The following SLC14A2 variants were observed in gnomAD, a reference collection of about 807,000 sequenced individuals.
The protein encoded by SLC14A2 is urea transporter 2.
A neutral mutation model predicts 104.6 loss-of-function variants in SLC14A2; 91 were observed. That is an observed-to-expected ratio of 0.87 (90% CI 0.73 to 1.04). SLC14A2 has a LOEUF of 1.04. Ranked by LOEUF, SLC14A2 falls within the 50% of genes least tolerant of loss-of-function variation. SLC14A2 has a pLI of 0.00. For missense variants in SLC14A2, 1,189 were observed against 1,156.0 expected, an observed-to-expected ratio of 1.03 and a Z score of -0.41; for synonymous variants, 476 against 466.4, an observed-to-expected ratio of 1.02 and a Z score of -0.27.
intron 1 of SLC14A2, among the ~76,000 whole-genome samples, chr18:45,439,396 T>C (rs1473321755): frequency 1.3e-5 from 2 of 152,240 alleles, no homozygotes; most frequent in Non-Finnish European, 2.9e-5. Flanking sequence ...CTCAGAGAAG[T>C]GTTCAGTAAA....
intron 1 of SLC14A2, among the ~76,000 whole-genome samples, chr18:45,303,701 A>G (rs1568143114): frequency 6.6e-6 from 1 of 152,256 alleles, no homozygotes; most frequent in Non-Finnish European, 1.5e-5. Context: ...ACACCTTGGC[A>G]AATCAGTGAT....
chr18:45,272,838 G>C (rs948018978), intron 1 of SLC14A2, among the ~76,000 whole-genome samples: 1 of 152,050 alleles, frequency 6.6e-6, no homozygotes, highest in African/African-American at 2.4e-5. Context: ...ATTTCACATT[G>C]CATGCCTGTA....
At chr18:45,391,775 T>C (rs980833685) in intron 1 of SLC14A2, among the ~76,000 whole-genome samples, 1 of 152,228 alleles carries the variant, frequency 6.6e-6, no homozygotes, top group African/African-American at 2.4e-5. Context: ...ATGGGGTTGT[T>C]TGTTTATTTC....
chr18:45,601,580 G>A (rs1348881735), intron 2 of SLC14A2, among the ~76,000 whole-genome samples: 3 of 152,158 alleles, frequency 2.0e-5, no homozygotes, highest in Non-Finnish European at 4.4e-5. Flanking sequence ...AATTCCAATG[G>A]GGTTTTTCTT....
intron 1 of SLC14A2, among the ~76,000 whole-genome samples, chr18:45,347,829 T>C (rs557455260): frequency 6.6e-6 from 1 of 152,348 alleles, no homozygotes; most frequent in South Asian, 2.1e-4. Context: ...TCAGAATGAT[T>C]GCACTCAACT....
intron 15 of SLC14A2, 71 bp downstream of exon 15, chr18:45,668,548 C>T (rs552954398): frequency 2.5e-5 from 39 of 1,537,608 alleles, no homozygotes; most frequent in Middle Eastern, 1.7e-4. Flanking sequence ...ATCCCATGAC[C>T]GTCTGTCTAA....
chr18:45,436,991 T>C (rs1269145871), intron 1 of SLC14A2, among the ~76,000 whole-genome samples: 2 of 152,192 alleles, frequency 1.3e-5, no homozygotes, highest in African/African-American at 4.8e-5. Context: ...GGATTCTAGG[T>C]TGGGCCACAC....
chr18:45,278,356 C>T (rs1009960479), intron 1 of SLC14A2, among the ~76,000 whole-genome samples: 1 of 152,170 alleles, frequency 6.6e-6, no homozygotes, highest in African/African-American at 2.4e-5. Flanking sequence ...TGATGTTCAG[C>T]AGAATGCTTG....
intron 1 of SLC14A2, among the ~76,000 whole-genome samples, chr18:45,472,747 T>C (rs2087275738): frequency 6.6e-6 from 1 of 152,210 alleles, no homozygotes; most frequent in African/African-American, 2.4e-5. Flanking sequence ...TCTTAATTTG[T>C]TTAAGTTTCT....
chr18:45,195,622 C>T, the SLC14A2 span, among the ~76,000 whole-genome samples: 1 of 152,116 alleles, frequency 6.6e-6, no homozygotes, highest in Admixed American at 6.5e-5. Context: ...GAACTCCTGA[C>T]CTCGTGAACT....
At chr18:45,454,730 A>G (rs1045318358) in intron 1 of SLC14A2, among the ~76,000 whole-genome samples, 1 of 152,206 alleles carries the variant, frequency 6.6e-6, no homozygotes, top group Non-Finnish European at 1.5e-5. Context: ...ATGGCTAGCC[A>G]GTTTTCCCAA....
At chr18:45,463,401 G>A (rs1160759354) in intron 1 of SLC14A2, among the ~76,000 whole-genome samples, 1 of 152,208 alleles carries the variant, frequency 6.6e-6, no homozygotes, top group South Asian at 2.1e-4. Context: ...TTAATGGGGT[G>A]ATGGTGAGGA....
At chr18:45,507,813 C>G (rs1167362480) in intron 2 of SLC14A2, among the ~76,000 whole-genome samples, 2 of 152,260 alleles carry the variant, frequency 1.3e-5, no homozygotes, top group Non-Finnish European at 2.9e-5. Flanking sequence ...TCATGTGAGT[C>G]CCATCAGACT....
At chr18:45,171,393 T>TA in the SLC14A2 span, among the ~76,000 whole-genome samples, 2 of 152,094 alleles carry the variant, frequency 1.3e-5, no homozygotes, top group Non-Finnish European at 2.9e-5. Context: ...GACTACCATT[T>TA]GCAAAGGGAG....
chr18:45,230,574 C>T (rs1234016731), intron 1 of SLC14A2, among the ~76,000 whole-genome samples: 1 of 152,212 alleles, frequency 6.6e-6, no homozygotes. Flanking sequence ...ATCCCCCCAA[C>T]TCAAGGCCCT....
intron 1 of SLC14A2, among the ~76,000 whole-genome samples, chr18:45,407,446 C>A (rs971743846): frequency 6.6e-6 from 1 of 152,160 alleles, no homozygotes; most frequent in Non-Finnish European, 1.5e-5. Context: ...ACCTCTCAAA[C>A]TTTCTTCATA....
At chr18:45,193,881 AT>A in the SLC14A2 span, among the ~76,000 whole-genome samples, 1 of 151,604 alleles carries the variant, frequency 6.6e-6, no homozygotes, top group Non-Finnish European at 1.5e-5. Context: ...GCCTTCTTCA[AT>A]TTCTCTCAGT....
chr18:45,192,284 C>G, the SLC14A2 span, among the ~76,000 whole-genome samples: 1 of 152,152 alleles, frequency 6.6e-6, no homozygotes, highest in Non-Finnish European at 1.5e-5. Context: ...ATATTACAAA[C>G]CACCTATACT....
At chr18:45,550,103 T>C (rs1408155084) in intron 2 of SLC14A2, 2 of 152,182 alleles carry the variant, frequency 1.3e-5, no homozygotes, top group Non-Finnish European at 2.9e-5. Flanking sequence ...GAAGTCCTTC[T>C]TCATGTAGAA....
Sources: allele counts gnomAD v4.1 joint callset (sites outside exome capture counted in the v4.1 genomes callset), GRCh38; gene constraint gnomAD v4.1.1; transcripts MANE v1.5; gene names NCBI Gene and HGNC (gene_info 2026-07-23, HGNC 2026-07-21).